Variants in CARD14 observed in about 807,000 individuals in gnomAD.
CARD14 encodes caspase recruitment domain family member 14.
CARD14 carries 107 observed loss-of-function variants against 111.5 expected under a neutral mutation model. That is an observed-to-expected ratio of 0.96 (90% CI 0.82 to 1.13). The LOEUF is 1.13. Among genes scored for constraint, CARD14 ranks in the 50% most tolerant of loss-of-function variants. The pLI is 0.00. For synonymous variants in CARD14, 617 were observed against 579.6 expected (o/e 1.06, Z -0.93); for missense variants, 1,322 against 1,362.3 (o/e 0.97, Z 0.47).
chr17:80,202,563 C>G, intron 18 of CARD14, 143 bp downstream of exon 18: 1 of 1,450,132 alleles, frequency 6.9e-7, no homozygotes, highest in Non-Finnish European at 9.1e-7. Context: ...CTGCCAAGAT[C>G]ACTGCTGAAG....
In CARD14 at chr17:80,209,272, T is replaced by A; in HGVS notation, c.*927T>A. The A allele has an allele frequency of 2.1e-6, 2 of 971,446 alleles. No individual in the cohort carries two copies. The highest frequency in any genetic ancestry group is 2.4e-6 in the Non-Finnish European group (2 of 817,178). The allele number at this position is 971,446 out of a possible 1,614,324, so 60.2% of individuals were successfully genotyped here. On this transcript the variant is annotated 3_prime_UTR_variant, in exon 24 of 24. Coordinates refer to ENST00000648509, the MANE Select transcript of CARD14 (RefSeq NM_001366385.1). ...TCTAGAATTCAGGTTGGTATCATCATAAATGAGTTCAGAAAAAGAACTTCT... is the reference window on the plus strand; with the variant it reads ...TCTAGAATTCAGGTTGGTATCATCAAAAATGAGTTCAGAAAAAGAACTTCT...
At position 80,181,432 on chromosome 17, in the gene CARD14, C is replaced by T. The variant is rs765949964; in HGVS notation, c.-7C>T. On this transcript the variant is annotated 5_prime_UTR_variant, in exon 5 of 24. Coordinates refer to ENST00000648509, the MANE Select transcript of CARD14 (RefSeq NM_001366385.1). ...CACCCCTCCTAGGGTCCTCCCAGCG[C>T]CCAGCCATGGGGGAACTGTGCCGCA... The T allele has an allele frequency of 1.9e-6, 3 of 1,560,188 alleles. No individual in the cohort carries two copies. Among genetic ancestry groups the T allele is most frequent in the South Asian group, 2.4e-5 (2 of 84,594 alleles).
In CARD14 at chr17:80,205,038, C is replaced by T. The variant is rs2041209529; in HGVS notation, c.2402C>T (p.Ser801Phe). Residue 801 changes from serine (S) to phenylalanine (F), a missense_variant, in exon 21 of 24, where the codon TCC (serine) becomes TTC (phenylalanine). By Grantham distance (155) the Ser-to-Phe change is radical. Coordinates refer to ENST00000648509, the MANE Select transcript of CARD14 (RefSeq NM_001366385.1). ...GQLDPSRMEG[S>F]STCFWAESCL... ...CTCAGGATCCTCTCCTCCACAGGCT[C>T]CAGCACGTGCTTCTGGGCCGAGAGC... 5.0e-6 allele frequency: 8 copies of T among 1,592,606 alleles called. No homozygotes were observed. In the East Asian group the frequency reaches 1.8e-4, roughly 36 times the overall value.
chr17:80,188,572 C>T lies in CARD14; in HGVS notation c.843+28C>T, dbSNP rs373638168. On this transcript the variant is annotated intron_variant, in intron 8 of 23. Coordinates refer to ENST00000648509, the MANE Select transcript of CARD14 (RefSeq NM_001366385.1). This position sits in a 1 kb window ranked among gnomAD's most constrained non-coding sequence, Gnocchi z 4.5. The stretch of plus-strand genomic sequence containing the variant: ...AGGTTCCGGTCCCCGCAGCAGAGAG[C>T]GGCCTCCTGCCTTGGGGGCTTGGCC... The T allele has an allele frequency of 4.2e-5, 60 of 1,434,788 alleles. No homozygotes were observed. The highest frequency in any genetic ancestry group is 1.0e-4 in the African/African-American group (7 of 68,406). The allele number at this position is 1,434,788 out of a possible 1,614,324, so 88.9% of individuals were successfully genotyped here.
rs2040696875 is a variant in CARD14, at chr17:80,195,869, G to A, written c.1594+217G>A. ...AAAGGCCGGCTGCGCTCTGTCTGCT[G>A]GTGTCCTTGTGTTTTTCCCTAGAGC... On this transcript the variant is annotated intron_variant, in intron 14 of 23. Transcript: ENST00000648509. The surrounding 1 kb of genome is among the most constrained non-coding windows in gnomAD (Gnocchi z 4.7). The A allele has an allele frequency of 2.5e-5, 14 of 558,602 alleles. No homozygotes were observed. The South Asian group carries it at 3.0e-4, about 12-fold the overall frequency. 34.6% of individuals were successfully genotyped at this position (558,602 alleles called of 1,614,324 possible). A position where few individuals can be genotyped will look rare whatever the true frequency, so the allele number is the denominator to read the frequency against.
At chr17:80,175,710 G>GGTGGGGACGCT (rs2040008610) in intron 2 of CARD14, among the ~76,000 whole-genome samples, 1 of 152,186 alleles carries the variant, frequency 6.6e-6, no homozygotes, top group East Asian at 1.9e-4. Context: ...CCCCGCTTGT[G>GGTGGGGACGCT]GTGGGGACGC....
chr17:80,173,921 A>C (rs1274308542), intron 2 of CARD14, among the ~76,000 whole-genome samples: 1 of 152,174 alleles, frequency 6.6e-6, no homozygotes, highest in Non-Finnish European at 1.5e-5. Context: ...AATTGTTAAA[A>C]ATAATAATGG....
chr17:80,187,760 C>T lies in CARD14; in HGVS notation c.676-617C>T, dbSNP rs1235544940. 3 of 985,296 alleles carry T rather than the reference C, an allele frequency of 3.0e-6. No homozygotes were observed. In the East Asian group the frequency reaches 3.4e-4, roughly 112 times the overall value. The allele number at this position is 985,296 out of a possible 1,614,324, so 61.0% of individuals were successfully genotyped here. A position where few individuals can be genotyped will look rare whatever the true frequency, so the allele number is the denominator to read the frequency against. ...TGCCACACCCAGGACGGGAAGAGGG[C>T]GGGCCCGTGGCTCGAGCTCCAAGTT... On this transcript the variant is annotated intron_variant, in intron 7 of 23. Transcript: ENST00000648509.
chr17:80,198,366 CA>C lies in CARD14; in HGVS notation c.1659-32del. 6.3e-7 allele frequency: 1 copy of C among 1,576,434 alleles called. No homozygotes were observed. The highest frequency in any genetic ancestry group is 8.6e-7 in the Non-Finnish European group (1 of 1,158,942). ...GCCTTGCCGGCTCTCCTGCTCTGGGCAGTGCACAAGCCGGTCGTCTCCCGGC... is the reference window on the plus strand; with the variant it reads ...GCCTTGCCGGCTCTCCTGCTCTGGGCGTGCACAAGCCGGTCGTCTCCCGGC... On this transcript the variant is annotated intron_variant, in intron 15 of 23. Transcript: ENST00000648509. This position sits in a 1 kb window ranked among gnomAD's most constrained non-coding sequence, Gnocchi z 7.5.
Position 80,181,447 on chromosome 17 carries a change from A to G in CARD14, c.9A>G (p.Glu3=), listed in dbSNP as rs766915675. The part of the protein sequence containing the change: MG[E]LCRRDSALTA... Reference sequence around the variant, plus strand: ...CCTCCCAGCGCCCAGCCATGGGGGAACTGTGCCGCAGGGACTCCGCACTCA... The same window carrying G: ...CCTCCCAGCGCCCAGCCATGGGGGAGCTGTGCCGCAGGGACTCCGCACTCA... Residue 3 remains glutamate (E), a synonymous_variant, in exon 5 of 24, where the codon GAA becomes GAG. Transcript: ENST00000648509. The G allele has an allele frequency of 5.1e-6, 8 of 1,568,392 alleles. No homozygotes were observed. In the Admixed American group the frequency reaches 7.5e-5, roughly 15 times the overall value.
rs1433771275 is a variant in CARD14 at position 80,201,474 on chromosome 17, A to C, written c.1852-270A>C. The C allele has an allele frequency of 2.1e-6, 1 of 479,322 alleles. No individual in the cohort carries two copies. The highest frequency in any genetic ancestry group is 3.8e-5 in the Admixed American group (1 of 26,134). 29.7% of individuals were successfully genotyped at this position (479,322 alleles called of 1,614,324 possible). A position where few individuals can be genotyped will look rare whatever the true frequency, so the allele number is the denominator to read the frequency against. On this transcript the variant is annotated intron_variant, in intron 16 of 23. Transcript: ENST00000648509. The surrounding 1 kb of genome is among the most constrained non-coding windows in gnomAD (Gnocchi z 5.0). ...CTTTTCTTTTCTTTTTCAAGACAGG[A>C]AAGTGCTTATCACAAAGAACCCCCG...
rs187647346 is a variant in CARD14 at position 80,189,418 on chromosome 17, T to A, written c.844-335T>A. Among the ~76,000 whole-genome samples, 1 of 152,212 alleles carries A rather than the reference T, an allele frequency of 6.6e-6. No homozygotes were observed. Among genetic ancestry groups the A allele is most frequent in the Admixed American group, 6.5e-5 (1 of 15,290 alleles). On this transcript the variant is annotated intron_variant, in intron 8 of 23. Coordinates refer to ENST00000648509, the MANE Select transcript of CARD14 (RefSeq NM_001366385.1). The surrounding 1 kb of genome is among the most constrained non-coding windows in gnomAD (Gnocchi z 4.7). Reference sequence around the variant, plus strand: ...TATAAGCTCCTTCCTGGGAAGTGAGTGTCAGAGGGGAATGACCTGTCTGCT... The same window carrying A: ...TATAAGCTCCTTCCTGGGAAGTGAGAGTCAGAGGGGAATGACCTGTCTGCT...
At position 80,188,361 on chromosome 17, in the gene CARD14, C is replaced by T; in HGVS notation, c.676-16C>T. On this transcript the variant is annotated splice_polypyrimidine_tract_variant and intron_variant, in intron 7 of 23. Transcript: ENST00000648509. The surrounding 1 kb of genome is among the most constrained non-coding windows in gnomAD (Gnocchi z 4.5). ...GCTGTTTCCATCGCCCTTCCTGTCG[C>T]CTCCCCACCGCACAGCTGTATCTAC... The T allele has an allele frequency of 1.9e-6, 3 of 1,604,560 alleles. No individual in the cohort carries two copies. Among genetic ancestry groups the T allele is most frequent in the Non-Finnish European group, 2.6e-6 (3 of 1,175,802 alleles).
rs537669777 is a variant in CARD14 at position 80,181,494 on chromosome 17, T to C, written c.56T>C (p.Leu19Pro). 6 of 1,589,290 alleles carry C rather than the reference T, an allele frequency of 3.8e-6. No homozygotes were observed. The Admixed American group carries it at 8.7e-5, about 23-fold the overall frequency. ...SALTALDEET[L>P]WEMMESHRHR... ...CTCACGGCACTGGACGAGGAGACACTGTGGGAGATGATGGAGAGCCACCGC... is the reference window on the plus strand; with the variant it reads ...CTCACGGCACTGGACGAGGAGACACCGTGGGAGATGATGGAGAGCCACCGC... Residue 19 changes from leucine to proline, a missense_variant, in exon 5 of 24, where the codon CTG (leucine) becomes CCG (proline). By Grantham distance (98) the Leu-to-Pro change is moderately conservative. Transcript: ENST00000648509.
intron 7 of CARD14, among the ~76,000 whole-genome samples, chr17:80,185,554 TAGCCACAGTGC>T (rs2040317505): frequency 6.6e-6 from 1 of 152,176 alleles, no homozygotes; most frequent in Non-Finnish European, 1.5e-5. Flanking sequence ...TGCCCCTATA[TAGCCACAGTGC>T]AGTTCTCAAC....
chr17:80,204,997 C>T (rs373975169), intron 20 of CARD14, 38 bp from the exon 21 acceptor site: 13 of 1,501,848 alleles, frequency 8.7e-6, no homozygotes, highest in African/African-American at 2.8e-5. Context: ...TGGGGGCTGC[C>T]GCAGCCTCAC....
At chr17:80,170,153 G>A (rs553184641) in intron 1 of CARD14, 97 bp downstream of exon 1, 1 of 152,136 alleles carries the variant, frequency 6.6e-6, no homozygotes, top group Non-Finnish European at 1.5e-5. Context: ...TGGGGCCCGA[G>A]AGTGGTCCCA....
At chr17:80,180,632 A>C (rs1306114540) in intron 4 of CARD14, among the ~76,000 whole-genome samples, 1 of 152,206 alleles carries the variant, frequency 6.6e-6, no homozygotes, top group Non-Finnish European at 1.5e-5. Flanking sequence ...GCTGGAGTGC[A>C]GTGGCACGAT....
At chr17:80,177,494 G>A (rs900138177) in intron 2 of CARD14, among the ~76,000 whole-genome samples, 1 of 152,166 alleles carries the variant, frequency 6.6e-6, no homozygotes, top group East Asian at 1.9e-4. Flanking sequence ...TCAGGAGATC[G>A]AGACCAGCCT....
Sources: gnomAD v4.1 joint callset for allele counts (sites outside exome capture counted in the v4.1 genomes callset) on GRCh38, gnomAD v4.1.1 for gene constraint, Gnocchi (gnomAD v3.1) non-coding constraint, MANE v1.5 for transcripts, NCBI Gene and HGNC (gene_info 2026-07-23, HGNC 2026-07-21) for gene names.